The following TIAM2 variants were observed in gnomAD, a reference collection of about 807,000 sequenced individuals.
The protein encoded by TIAM2 is rho guanine nucleotide exchange factor TIAM2.
In TIAM2, 80 loss-of-function variants were observed where a neutral mutation model predicts 152.9. That is an observed-to-expected ratio of 0.52 (90% CI 0.44 to 0.63). The LOEUF (loss-of-function observed/expected upper bound fraction) is 0.63, where lower values mean the gene tolerates loss of function less well. Among genes scored for constraint, TIAM2 ranks in the 30% least tolerant of loss-of-function variants. The probability of loss-of-function intolerance (pLI) is 0.00; values close to 1 mark genes in which losing one functional copy is unlikely to be tolerated. For synonymous variants in TIAM2, 804 were observed against 838.0 expected (o/e 0.96, Z 0.70); for missense variants, 1,965 against 2,120.1 (o/e 0.93, Z 1.44).
chr6:155,177,545 T>G (rs1583232003), intron 10 of TIAM2, among the ~76,000 whole-genome samples: 1 of 152,294 alleles, frequency 6.6e-6, no homozygotes, highest in African/African-American at 2.4e-5. Flanking sequence ...ATCAGAAGCT[T>G]TTAGACCACC....
chr6:155,242,687 G>C (rs1340517453), intron 16 of TIAM2, among the ~76,000 whole-genome samples: 1 of 152,164 alleles, frequency 6.6e-6, no homozygotes, highest in Non-Finnish European at 1.5e-5. Flanking sequence ...CAGAATAAAA[G>C]AGAAATCTTT....
At chr6:155,118,627 GTTTCACCGT>G (rs1359769836) in intron 2 of TIAM2, among the ~76,000 whole-genome samples, 1 of 151,710 alleles carries the variant, frequency 6.6e-6, no homozygotes, top group Non-Finnish European at 1.5e-5. Flanking sequence ...TGGAGAAGGG[GTTTCACCGT>G]GTTGGCCAGG....
intron 1 of TIAM2, among the ~76,000 whole-genome samples, chr6:155,077,626 G>C (rs574624340): frequency 2.0e-5 from 3 of 152,190 alleles, no homozygotes; most frequent in African/African-American, 7.2e-5. Context: ...TCATGGCAAC[G>C]ATTAGAGAAA....
intron 14 of TIAM2, among the ~76,000 whole-genome samples, chr6:155,209,242 CT>C (rs35763368): frequency 6.6e-6 from 1 of 151,988 alleles, no homozygotes; most frequent in Admixed American, 6.6e-5. Context: ...CATTTCACTC[CT>C]TTTTGCATCC....
At chr6:155,020,956 CTCATA>C (rs1289681179) in intron 1 of TIAM2, among the ~76,000 whole-genome samples, 1 of 152,142 alleles carries the variant, frequency 6.6e-6, no homozygotes, top group Non-Finnish European at 1.5e-5. Flanking sequence ...TTCTAGGCAC[CTCATA>C]TAAGTGGAAT....
chr6:155,070,209 C>CTTTTTTT lies in TIAM2; in HGVS notation c.-208-20057_-208-20051dup, dbSNP rs559307371. 4.3e-4 allele frequency among the ~76,000 whole-genome samples: 19 copies of CTTTTTTT among 44,146 alleles called. 4 individuals are homozygous for CTTTTTTT. The highest frequency in any genetic ancestry group is 2.2e-3 in the African/African-American group (18 of 8,322). The allele number at this position is 44,146 out of a possible 152,430, so 29.0% of individuals were successfully genotyped here. On this transcript the variant is annotated intron_variant, in intron 1 of 26. Transcript: ENST00000682666. ...GTATGAGCCACCGCGCCTGGCCAGA[C>CTTTTTTT]TTTTTTTTTTTTTTTTTTTTTTTTT...
intron 1 of TIAM2, among the ~76,000 whole-genome samples, chr6:155,043,303 A>T (rs1777088593): frequency 6.6e-6 from 1 of 152,106 alleles, no homozygotes; most frequent in Non-Finnish European, 1.5e-5. Context: ...GAAAACAAAG[A>T]TGCCTTTGGT....
rs570674282 is a variant in TIAM2, at chr6:155,165,854, A to G, written c.2361+445A>G. 2.0e-3 allele frequency among the ~76,000 whole-genome samples: 308 copies of G among 151,988 alleles called. 2 individuals are homozygous for G. Among genetic ancestry groups the G allele is most frequent in the African/African-American group, 6.8e-3 (283 of 41,464 alleles). Reference sequence around the variant, plus strand: ...CTCTTAGCATGCACTTTTTTTTTTAACCCAACGAAACTGCACAAGTTGCCG... The same window carrying G: ...CTCTTAGCATGCACTTTTTTTTTTAGCCCAACGAAACTGCACAAGTTGCCG... On this transcript the variant is annotated intron_variant, in intron 9 of 26. Transcript: ENST00000682666.
intron 9 of TIAM2, among the ~76,000 whole-genome samples, chr6:155,175,707 C>A (rs1285405327): frequency 6.6e-6 from 1 of 152,158 alleles, no homozygotes; most frequent in Non-Finnish European, 1.5e-5. Flanking sequence ...AATATAAGAA[C>A]CTACCCAGAG....
intron 5 of TIAM2, among the ~76,000 whole-genome samples, chr6:155,137,995 C>A (rs1285795945): frequency 6.6e-6 from 1 of 152,116 alleles, no homozygotes; most frequent in Non-Finnish European, 1.5e-5. Flanking sequence ...GGCCACCACA[C>A]CTGGCTAAGT....
chr6:155,244,976 C>G (rs957071952), intron 18 of TIAM2, 193 bp downstream of exon 18: 15 of 636,480 alleles, frequency 2.4e-5, no homozygotes, highest in Non-Finnish European at 2.3e-5. Context: ...TTTTTCCTGG[C>G]GCAGGTGCTT....
rs113225484 is a variant in TIAM2, at chr6:155,065,692, C to T, written c.-208-24597C>T. 9.3e-3 allele frequency among the ~76,000 whole-genome samples: 1,418 copies of T among 152,210 alleles called. 29 individuals are homozygous for T. The highest frequency in any genetic ancestry group is 0.033 in the African/African-American group (1,363 of 41,536). On this transcript the variant is annotated intron_variant, in intron 1 of 26. Transcript: ENST00000682666. The stretch of plus-strand genomic sequence containing the variant: ...GGGAGGCTGAGGCATGAGCCTAAAC[C>T]TGGGAAGTGGAGGTTGCAGTGAGCC...
At chr6:155,222,625 A>T (rs546539950) in intron 15 of TIAM2, among the ~76,000 whole-genome samples, 1 of 77,982 alleles carries the variant, frequency 1.3e-5, no homozygotes, top group African/African-American at 5.7e-5. Context: ...AACAAAAAAA[A>T]AAAACACAAA....
chr6:155,038,462 G>A (rs984381337), intron 1 of TIAM2, among the ~76,000 whole-genome samples: 1 of 152,220 alleles, frequency 6.6e-6, no homozygotes, highest in Non-Finnish European at 1.5e-5. Context: ...TTGGAGGTGG[G>A]ATACATGATG....
At chr6:155,103,574 A>C in intron 2 of TIAM2, among the ~76,000 whole-genome samples, 1 of 151,592 alleles carries the variant, frequency 6.6e-6, no homozygotes, top group East Asian at 1.9e-4. Context: ...AAATACAAAA[A>C]TTAGCCGGGT....
At chr6:155,056,252 A>T (rs1263402983) in intron 1 of TIAM2, among the ~76,000 whole-genome samples, 3 of 145,716 alleles carry the variant, frequency 2.1e-5, no homozygotes, top group Non-Finnish European at 4.5e-5. Flanking sequence ...GCTCACTGCA[A>T]CCTCCGCTTG....
chr6:155,088,677 C>CTA (rs1778226773), intron 1 of TIAM2, among the ~76,000 whole-genome samples: 1 of 152,194 alleles, frequency 6.6e-6, no homozygotes, highest in Non-Finnish European at 1.5e-5. Context: ...ACTCCAATCT[C>CTA]AGTCCCCTTG....
chr6:155,244,269 CAG>C (rs1783200518), intron 17 of TIAM2, among the ~76,000 whole-genome samples, 190 bp downstream of exon 17: 1 of 152,214 alleles, frequency 6.6e-6, no homozygotes, highest in African/African-American at 2.4e-5. Flanking sequence ...GACCCAGTGG[CAG>C]AGTGTTTACA....
At chr6:155,244,824 C>A in intron 18 of TIAM2, 41 bp downstream of exon 18, 1 of 1,570,270 alleles carries the variant, frequency 6.4e-7, no homozygotes, top group South Asian at 1.2e-5. Flanking sequence ...AAATACGTGG[C>A]TATGGTACGT....
Sources: gnomAD v4.1 joint callset for allele counts (sites outside exome capture counted in the v4.1 genomes callset) on GRCh38, gnomAD v4.1.1 for gene constraint, MANE v1.5 for transcripts, NCBI Gene and HGNC (gene_info 2026-07-23, HGNC 2026-07-21) for gene names.